The following APBB2 variants were observed in gnomAD, a reference collection of about 807,000 sequenced individuals.
APBB2 encodes the protein amyloid beta precursor protein binding family B member 2, also known as Fe65-like 1.
A neutral mutation model predicts 82.5 loss-of-function variants in APBB2; 38 were observed. The observed-to-expected ratio is 0.46, with a 90% CI of 0.36 to 0.60. The LOEUF (loss-of-function observed/expected upper bound fraction) is 0.60. APBB2 is among the 20% of genes least tolerant of loss of function. The pLI is 0.00. For missense variants in APBB2, 772 were observed against 972.3 expected (o/e 0.79, Z 2.74); for synonymous variants, 341 against 368.2 (o/e 0.93, Z 0.85).
In APBB2 at chr4:40,964,777, A is replaced by ACACACACACACACACACACACACACAC. The variant is rs1560401538; in HGVS notation, c.836-19705_836-19704insGTGTGTGTGTGTGTGTGTGTGTGTGTG. Reference sequence around the variant, plus strand: ...AAACACACACACACACACACACACAACAATGCACATTGCAAGTATAGTTTT... The same window carrying ACACACACACACACACACACACACACAC: ...AAACACACACACACACACACACACAACACACACACACACACACACACACACACCAATGCACATTGCAAGTATAGTTTT... On this transcript the variant is annotated intron_variant, in intron 6 of 17. Coordinates refer to ENST00000508593, the MANE Select transcript of APBB2 (RefSeq NM_004307.2). Among the ~76,000 whole-genome samples, 3 of 4,454 alleles carry ACACACACACACACACACACACACACAC rather than the reference A, an allele frequency of 6.7e-4. No homozygotes were observed. The East Asian group carries it at 0.047, about 70-fold the overall frequency. 2.9% of individuals were successfully genotyped at this position (4,454 alleles called of 152,430 possible). A position where few individuals can be genotyped will look rare whatever the true frequency, so the allele number is the denominator to read the frequency against.
chr4:40,818,271 C>T (rs555277022), intron 17 of APBB2, among the ~76,000 whole-genome samples: 11 of 152,108 alleles, frequency 7.2e-5, no homozygotes, highest in Non-Finnish European at 1.5e-4. Flanking sequence ...TTTGATTTTA[C>T]TAGTATGCCT....
chr4:40,833,923 G>A (rs909997022), intron 12 of APBB2, among the ~76,000 whole-genome samples: 2 of 152,194 alleles, frequency 1.3e-5, no homozygotes, highest in Non-Finnish European at 2.9e-5. Flanking sequence ...CTTCGGCTTT[G>A]TGCCCTCTGT....
At chr4:40,888,735 T>C (rs542174524) in intron 12 of APBB2, among the ~76,000 whole-genome samples, 2 of 149,788 alleles carry the variant, frequency 1.3e-5, no homozygotes, top group East Asian at 2.0e-4. Context: ...ACACTTTGGC[T>C]CCTGCCTCGC....
At chr4:41,069,203 AGAAG>A (rs1485386727) in intron 3 of APBB2, among the ~76,000 whole-genome samples, 1 of 152,212 alleles carries the variant, frequency 6.6e-6, no homozygotes, top group Non-Finnish European at 1.5e-5. Flanking sequence ...AGTAAAGGCA[AGAAG>A]GAAGGGAGAA....
At position 40,983,396 on chromosome 4, in the gene APBB2, C is replaced by A. The variant is rs538529081; in HGVS notation, c.835+30187G>T. On this transcript the variant is annotated intron_variant, in intron 6 of 17. Coordinates refer to ENST00000508593, the MANE Select transcript of APBB2 (RefSeq NM_004307.2). The stretch of plus-strand genomic sequence containing the variant: ...TTTCTCGAAAAAAGAATGAAATGCA[C>A]ATTTTTATAATTTAAATGTAAAATA... Among the ~76,000 whole-genome samples the A allele has an allele frequency of 1.3e-4, 20 of 152,290 alleles. No homozygotes were observed. The South Asian group carries it at 1.7e-3, about 13-fold the overall frequency.
chr4:40,847,495 GA>G (rs1387052161), intron 12 of APBB2, among the ~76,000 whole-genome samples: 1 of 152,118 alleles, frequency 6.6e-6, no homozygotes, highest in African/African-American at 2.4e-5. Flanking sequence ...CTTGACACCA[GA>G]AGGCTCCTAT....
intron 1 of APBB2, among the ~76,000 whole-genome samples, chr4:41,197,203 A>G: frequency 6.6e-6 from 1 of 152,128 alleles, no homozygotes; most frequent in African/African-American, 2.4e-5. Context: ...CTGCTCGAAC[A>G]ATATGCATGT....
rs1752296397 is a variant in APBB2, at chr4:40,832,305, C to A, written c.1530-1728G>T. 6.6e-6 allele frequency among the ~76,000 whole-genome samples: 1 copy of A among 152,202 alleles called. No homozygotes were observed. Among genetic ancestry groups the A allele is most frequent in the Non-Finnish European group, 1.5e-5 (1 of 68,042 alleles). On this transcript the variant is annotated intron_variant, in intron 12 of 17. Coordinates refer to ENST00000508593, the MANE Select transcript of APBB2 (RefSeq NM_004307.2). The surrounding 1 kb of genome is among the most constrained non-coding windows in gnomAD (Gnocchi z 4.8). ...GTGAAGGTCTGGCCGGAAAACCCTGCCTCGCAACCTCACCTCGCCATGCCC... is the reference window on the plus strand; with the variant it reads ...GTGAAGGTCTGGCCGGAAAACCCTGACTCGCAACCTCACCTCGCCATGCCC...
Position 40,815,785 on chromosome 4 carries a change from G to T in APBB2, c.*307C>A. 3.5e-6 allele frequency: 1 copy of T among 285,738 alleles called. No homozygotes were observed. Among genetic ancestry groups the T allele is most frequent in the Non-Finnish European group, 6.7e-6 (1 of 149,338 alleles). The allele number at this position is 285,738 out of a possible 1,614,324, so 17.7% of individuals were successfully genotyped here. A position where few individuals can be genotyped will look rare whatever the true frequency, so the allele number is the denominator to read the frequency against. ...GGACGCAGCGTTAGTTCACTAGGAG[G>T]GGTGGGGCCACACTCTTCTCTGTGT... On this transcript the variant is annotated 3_prime_UTR_variant, in exon 18 of 18. Transcript: ENST00000508593.
At chr4:41,143,592 G>A (rs1024625774) in intron 1 of APBB2, among the ~76,000 whole-genome samples, 9 of 152,102 alleles carry the variant, frequency 5.9e-5, no homozygotes, top group South Asian at 2.1e-4. Flanking sequence ...AAAGTAAAGC[G>A]AAACCCAGAT....
At position 40,894,160 on chromosome 4, in the gene APBB2, C is replaced by T. The variant is rs570328606; in HGVS notation, c.1255-749G>A. Among the ~76,000 whole-genome samples, 34 of 151,598 alleles carry T rather than the reference C, an allele frequency of 2.2e-4. No homozygotes were observed. In the South Asian group the frequency reaches 5.7e-3, roughly 25 times the overall value. ...AAAATTAGCCAGGCGTGGTGGTGGG[C>T]GCCTCTAGTCCCGGCTACTCAGGAG... On this transcript the variant is annotated intron_variant, in intron 10 of 17. Transcript: ENST00000508593.
At chr4:41,075,006 G>A (rs1451411643) in intron 3 of APBB2, among the ~76,000 whole-genome samples, 1 of 152,070 alleles carries the variant, frequency 6.6e-6, no homozygotes, top group Non-Finnish European at 1.5e-5. Context: ...CTGGCCACGT[G>A]TCTGTAGTCC....
At chr4:41,105,885 CAAAAA>C (rs34109241) in intron 2 of APBB2, among the ~76,000 whole-genome samples, 1 of 114,536 alleles carries the variant, frequency 8.7e-6, no homozygotes, top group Admixed American at 9.7e-5. Flanking sequence ...GACCCCGTCT[CAAAAA>C]AAAAAAAAAA....
intron 1 of APBB2, among the ~76,000 whole-genome samples, chr4:41,194,882 T>C: frequency 6.6e-6 from 1 of 152,168 alleles, no homozygotes; most frequent in East Asian, 1.9e-4. Flanking sequence ...TACGTAATAT[T>C]GGATCACTCA....
intron 6 of APBB2, among the ~76,000 whole-genome samples, chr4:41,008,150 C>T (rs1160277565): frequency 2.6e-5 from 4 of 152,196 alleles, no homozygotes; most frequent in Admixed American, 2.6e-4. Flanking sequence ...TATTTAGCCT[C>T]TGTGGTAAAA....
At chr4:41,103,620 GAA>G (rs1308933596) in intron 2 of APBB2, among the ~76,000 whole-genome samples, 1 of 151,256 alleles carries the variant, frequency 6.6e-6, no homozygotes, top group African/African-American at 2.4e-5. Flanking sequence ...TTGTTTATAA[GAA>G]AAAAGACTAG....
At position 41,127,086 on chromosome 4, in the gene APBB2, C is replaced by G. The variant is rs1021021915; in HGVS notation, c.-261+15901G>C. Among the ~76,000 whole-genome samples, 1 of 152,160 alleles carries G rather than the reference C, an allele frequency of 6.6e-6. No individual in the cohort carries two copies. Among genetic ancestry groups the G allele is most frequent in the African/African-American group, 2.4e-5 (1 of 41,506 alleles). The stretch of plus-strand genomic sequence containing the variant: ...GACTCAATAAACTCACAATTCATTT[C>G]TCACTTACTTAAAGATTAGCTACCT... On this transcript the variant is annotated intron_variant, in intron 2 of 17. Coordinates refer to ENST00000508593, the MANE Select transcript of APBB2 (RefSeq NM_004307.2). This position sits in a 1 kb window ranked among gnomAD's most constrained non-coding sequence, Gnocchi z 4.8.
At chr4:40,931,281 C>T (rs1337613497) in intron 10 of APBB2, among the ~76,000 whole-genome samples, 3 of 152,170 alleles carry the variant, frequency 2.0e-5, no homozygotes, top group Non-Finnish European at 2.9e-5. Context: ...GAAGCTCCTC[C>T]AATGTGTCTT....
chr4:41,202,436 C>A (rs1488346927), intron 1 of APBB2, among the ~76,000 whole-genome samples: 1 of 152,118 alleles, frequency 6.6e-6, no homozygotes, highest in Admixed American at 6.5e-5. Context: ...AATGAACACA[C>A]AAGAATTATT....
Sources: allele counts gnomAD v4.1 joint callset (sites outside exome capture counted in the v4.1 genomes callset), GRCh38; gene constraint gnomAD v4.1.1; non-coding constraint Gnocchi (gnomAD v3.1); transcripts MANE v1.5; gene names NCBI Gene and HGNC (gene_info 2026-07-23, HGNC 2026-07-21).